PLCD4: variants seen among roughly 807,000 people sequenced by gnomAD.
PLCD4 encodes the protein 1-phosphatidylinositol 4,5-bisphosphate phosphodiesterase delta-4.
Under a neutral mutation model 90.2 loss-of-function variants are expected in PLCD4, and 63 were observed. The ratio of observed to expected loss-of-function variants is 0.70; its 90% CI spans 0.57 to 0.86. The LOEUF (loss-of-function observed/expected upper bound fraction) is 0.86. PLCD4 is among the 40% of genes least tolerant of loss of function. PLCD4 has a pLI of 0.00. For synonymous variants in PLCD4, 294 were observed against 356.5 expected, an observed-to-expected ratio of 0.82 and a Z score of 1.97; for missense variants, 830 against 956.3, an observed-to-expected ratio of 0.87 and a Z score of 1.74.
intron 4 of PLCD4, among the ~76,000 whole-genome samples, chr2:218,619,221 C>T (rs1695764142): frequency 6.6e-6 from 1 of 151,718 alleles, no homozygotes; most frequent in South Asian, 2.1e-4. Context: ...CATTCATGAT[C>T]TATTAAGCAG....
intron 6 of PLCD4, among the ~76,000 whole-genome samples, chr2:218,627,776 T>C (rs1696182543): frequency 6.6e-6 from 1 of 152,138 alleles, no homozygotes; most frequent in African/African-American, 2.4e-5. Context: ...CCTCCCAAAG[T>C]ACTGGGATTA....
At position 218,615,767 on chromosome 2, in the gene PLCD4, T is replaced by C. The variant is rs866588405; in HGVS notation, c.22+6T>C. On this transcript the variant is annotated splice_donor_region_variant and intron_variant, in intron 2 of 15. Transcript: ENST00000450993. ...GGCGTCCCTGCTGCAAGACCGTGAG[T>C]GCCGGGGCCCCTGCAGGGGAAGAGG... The C allele has an allele frequency of 6.2e-7, 1 of 1,605,542 alleles. No homozygotes were observed. The highest frequency in any genetic ancestry group is 1.3e-5 in the African/African-American group (1 of 74,644).
At chr2:218,608,139 C>G (rs60670976) in intron 1 of PLCD4, 69 bp downstream of exon 1, 2,853 of 152,632 alleles carry the variant, frequency 0.019, 95 homozygotes, top group African/African-American at 0.065. Flanking sequence ...TACCTCTGCC[C>G]TCTAGATGCT....
intron 1 of PLCD4, among the ~76,000 whole-genome samples, chr2:218,612,243 T>C (rs1466047653): frequency 1.3e-5 from 2 of 152,166 alleles, no homozygotes; most frequent in African/African-American, 4.8e-5. Flanking sequence ...TTCACATAGC[T>C]TCTGTAAGCC....
chr2:218,635,520 G>A (rs1696675840), intron 13 of PLCD4, among the ~76,000 whole-genome samples: 1 of 152,078 alleles, frequency 6.6e-6, no homozygotes, highest in African/African-American at 2.4e-5. Flanking sequence ...TGTATTTTTA[G>A]TAGAGATAGG....
chr2:218,636,033 A>C, intron 14 of PLCD4, 102 bp downstream of exon 14: 1 of 1,548,686 alleles, frequency 6.5e-7, no homozygotes, highest in Non-Finnish European at 8.8e-7. Flanking sequence ...GCATGTCCCC[A>C]CATGGGAGGC....
chr2:218,622,273 T>G (rs770979153), intron 5 of PLCD4: 63 of 160,240 alleles, frequency 3.9e-4, no homozygotes, highest in Non-Finnish European at 8.0e-4. Context: ...TAGGGGCCTT[T>G]GGGAGATTTA....
intron 6 of PLCD4, among the ~76,000 whole-genome samples, chr2:218,625,382 C>G (rs755834332): frequency 6.6e-6 from 1 of 151,922 alleles, no homozygotes; most frequent in East Asian, 1.9e-4. Context: ...ACATTTGTTT[C>G]GACCCCGACC....
chr2:218,625,145 G>A (rs471479), intron 6 of PLCD4, among the ~76,000 whole-genome samples: 66,926 of 117,788 alleles, frequency 0.57, 20,241 homozygotes, highest in East Asian at 0.79. Flanking sequence ...AAGAAAGAAA[G>A]AAAAAAGAAA....
At position 218,636,902 on chromosome 2, in the gene PLCD4, A is replaced by G. The variant is rs1422157864; in HGVS notation, c.*325A>G. The G allele has an allele frequency of 2.1e-6, 1 of 470,484 alleles. No individual in the cohort carries two copies. The highest frequency in any genetic ancestry group is 2.0e-5 in the African/African-American group (1 of 50,608). The allele number at this position is 470,484 out of a possible 1,614,324, so 29.1% of individuals were successfully genotyped here. ...CATCTACAACTAATCTTTCCCATCA[A>G]CTCTGTGTGAAGGCAGGTTGCAACT... On this transcript the variant is annotated 3_prime_UTR_variant, in exon 16 of 16. Coordinates refer to ENST00000450993, the MANE Select transcript of PLCD4 (RefSeq NM_032726.4).
At chr2:218,627,260 C>G (rs1696157724) in intron 6 of PLCD4, among the ~76,000 whole-genome samples, 1 of 150,626 alleles carries the variant, frequency 6.6e-6, no homozygotes. Context: ...GACTCTGTCT[C>G]AAAAATAAAT....
At chr2:218,632,341 GTATT>G in intron 10 of PLCD4, 29 bp downstream of exon 10, 2 of 1,577,332 alleles carry the variant, frequency 1.3e-6, no homozygotes, top group Non-Finnish European at 1.7e-6. Flanking sequence ...TTCTGCTGTG[GTATT>G]TAGTCAACTT....
At chr2:218,626,381 G>A (rs1002076143) in intron 6 of PLCD4, among the ~76,000 whole-genome samples, 7 of 152,118 alleles carry the variant, frequency 4.6e-5, no homozygotes, top group African/African-American at 9.7e-5. Context: ...CCTTCCAGGC[G>A]AGCCTCCTTG....
At chr2:218,615,600 C>T (rs1403769440) in intron 1 of PLCD4, 107 bp from the exon 2 acceptor site, 3 of 866,858 alleles carry the variant, frequency 3.5e-6, no homozygotes, top group Non-Finnish European at 5.2e-6. Context: ...GGTTTCTAAA[C>T]CTATCTAAAG....
At chr2:218,621,401 G>A (rs1695873682) in intron 4 of PLCD4, 69 bp from the exon 5 acceptor site, 1 of 1,573,726 alleles carries the variant, frequency 6.4e-7, no homozygotes, top group Admixed American at 1.7e-5. Flanking sequence ...GATGTCAGTG[G>A]ACGAAGGTGC....
chr2:218,618,458 G>A, intron 3 of PLCD4, 121 bp from the exon 4 acceptor site: 1 of 807,198 alleles, frequency 1.2e-6, no homozygotes, highest in Non-Finnish European at 2.0e-6. Context: ...GATTCAGCCT[G>A]CAGAGGCTGG....
At chr2:218,616,923 TATATAGAGAGAGAG>T (rs1179543274) in intron 3 of PLCD4, among the ~76,000 whole-genome samples, 15 of 24,140 alleles carry the variant, frequency 6.2e-4, no homozygotes, top group African/African-American at 2.5e-3. Context: ...TATATATATA[TATATAGAGAGAGAG>T]AGAGAGAGAG....
Position 218,636,728 on chromosome 2 carries a change from C to A in PLCD4, c.*151C>A. The A allele has an allele frequency of 2.5e-6, 2 of 796,710 alleles. No homozygotes were observed. The highest frequency in any genetic ancestry group is 1.7e-5 in the South Asian group (1 of 59,696). The allele number at this position is 796,710 out of a possible 1,614,324, so 49.4% of individuals were successfully genotyped here. A position where few individuals can be genotyped will look rare whatever the true frequency, so the allele number is the denominator to read the frequency against. On this transcript the variant is annotated 3_prime_UTR_variant, in exon 16 of 16. Transcript: ENST00000450993. ...AAATTACCTCATTCTTCCTAACAAGCAATCTGGGACCTGATTTTCCACCTT... is the reference window on the plus strand; with the variant it reads ...AAATTACCTCATTCTTCCTAACAAGAAATCTGGGACCTGATTTTCCACCTT...
At chr2:218,610,017 C>G (rs920514770) in intron 1 of PLCD4, 5 of 152,568 alleles carry the variant, frequency 3.3e-5, no homozygotes, top group African/African-American at 1.2e-4. Context: ...CATGATGGCT[C>G]ACGCCTGTAA....
Sources: allele counts gnomAD v4.1 joint callset (sites outside exome capture counted in the v4.1 genomes callset), GRCh38; gene constraint gnomAD v4.1.1; transcripts MANE v1.5; gene names NCBI Gene and HGNC (gene_info 2026-07-23, HGNC 2026-07-21).